The following GREM2 variants were observed in gnomAD, a reference collection of about 807,000 sequenced individuals.
GREM2 encodes the protein gremlin 2, DAN family BMP antagonist, also known as gremlin-2.
In GREM2, 11 loss-of-function variants were observed where a neutral mutation model predicts 14.2. The ratio of observed to expected loss-of-function variants is 0.78; its 90% CI spans 0.49 to 1.28. The LOEUF is 1.28. Among genes scored for constraint, GREM2 ranks in the 50% most tolerant of loss-of-function variants. The pLI is 0.00. For missense variants in GREM2, 210 were observed against 218.5 expected (o/e 0.96, Z 0.24); for synonymous variants, 98 against 97.6 (o/e 1.00, Z -0.02).
chr1:240,605,734 G>A (rs1680012433), intron 1 of GREM2, among the ~76,000 whole-genome samples: 1 of 151,876 alleles, frequency 6.6e-6, no homozygotes, highest in Admixed American at 6.6e-5. Context: ...AGCCCAGAAA[G>A]TCAGCGTGCA....
chr1:240,546,903 T>C (rs1410354056), intron 1 of GREM2, among the ~76,000 whole-genome samples: 1 of 152,052 alleles, frequency 6.6e-6, no homozygotes, highest in Non-Finnish European at 1.5e-5. Flanking sequence ...CTTACATGTA[T>C]AAAAATACAT....
At chr1:240,546,819 T>C (rs1678733716) in intron 1 of GREM2, among the ~76,000 whole-genome samples, 1 of 152,168 alleles carries the variant, frequency 6.6e-6, no homozygotes, top group Non-Finnish European at 1.5e-5. Context: ...TGCTAGCATC[T>C]TACATGTCAG....
At chr1:240,603,002 G>A (rs1679958373) in intron 1 of GREM2, among the ~76,000 whole-genome samples, 1 of 152,088 alleles carries the variant, frequency 6.6e-6, no homozygotes, top group Non-Finnish European at 1.5e-5. Context: ...GAACCCGGGA[G>A]GTGGAGCTTG....
chr1:240,499,932 GC>G (rs2103276161), intron 1 of GREM2, among the ~76,000 whole-genome samples: 1 of 152,302 alleles, frequency 6.6e-6, no homozygotes, highest in Admixed American at 6.5e-5. Flanking sequence ...GAAACACTTT[GC>G]TAAGTCCTGC....
At chr1:240,534,773 A>G (rs1397507777) in intron 1 of GREM2, among the ~76,000 whole-genome samples, 1 of 152,082 alleles carries the variant, frequency 6.6e-6, no homozygotes. Context: ...GAGACTAGTT[A>G]GGAGGCTACT....
At chr1:240,569,403 A>C (rs1182236985) in intron 1 of GREM2, among the ~76,000 whole-genome samples, 2 of 152,240 alleles carry the variant, frequency 1.3e-5, no homozygotes, top group African/African-American at 2.4e-5. Flanking sequence ...ATTTTGAAAA[A>C]GAATAACAAA....
Position 240,533,172 on chromosome 1 carries a change from G to A in GREM2, c.-1-39696C>T, listed in dbSNP as rs369609235. 9.4e-4 allele frequency among the ~76,000 whole-genome samples: 143 copies of A among 152,312 alleles called. 1 individual carries two copies. The highest frequency in any genetic ancestry group is 3.4e-3 in the African/African-American group (142 of 41,568). ...AGGTGTGAAGAAGGGGGATCTGGGAGTAGAGACTGGGAAAATGAAAATCAC... is the reference window on the plus strand; with the variant it reads ...AGGTGTGAAGAAGGGGGATCTGGGAATAGAGACTGGGAAAATGAAAATCAC... On this transcript the variant is annotated intron_variant, in intron 1 of 1. Transcript: ENST00000318160.
rs1398083301 is a variant in GREM2 at position 240,603,038 on chromosome 1, A to G, written c.-2+8846T>C. 2.0e-5 allele frequency among the ~76,000 whole-genome samples: 3 copies of G among 151,920 alleles called. No individual in the cohort carries two copies. In the South Asian group the frequency reaches 6.2e-4, roughly 31 times the overall value. On this transcript the variant is annotated intron_variant, in intron 1 of 1. Coordinates refer to ENST00000318160, the MANE Select transcript of GREM2 (RefSeq NM_022469.4). ...CAGTGAGCTGAGATCGCACCATTGC[A>G]CTCCAGCCTGGGTGACAGAGCTGCG...
intron 1 of GREM2, among the ~76,000 whole-genome samples, chr1:240,571,199 C>G (rs1279267648): frequency 1.3e-5 from 2 of 152,108 alleles, no homozygotes; most frequent in African/African-American, 4.8e-5. Context: ...AAAGAACATT[C>G]CCTACCACAG....
At chr1:240,522,804 T>C (rs188946861) in intron 1 of GREM2, among the ~76,000 whole-genome samples, 31 of 152,270 alleles carry the variant, frequency 2.0e-4, no homozygotes, top group African/African-American at 7.0e-4. Flanking sequence ...AAACAACCAA[T>C]GTAGATGTCC....
chr1:240,575,056 A>G (rs1679334529), intron 1 of GREM2, among the ~76,000 whole-genome samples: 1 of 152,066 alleles, frequency 6.6e-6, no homozygotes. Context: ...GCAGTGAGCC[A>G]AGATCGCACC....
chr1:240,507,545 G>C (rs958519438), intron 1 of GREM2, among the ~76,000 whole-genome samples: 13 of 151,968 alleles, frequency 8.6e-5, no homozygotes, highest in Admixed American at 4.6e-4. Context: ...GTTGGCCAAG[G>C]TGGTCTCAAA....
chr1:240,568,346 G>A (rs1474191621), intron 1 of GREM2, among the ~76,000 whole-genome samples: 2 of 152,056 alleles, frequency 1.3e-5, no homozygotes, highest in Middle Eastern at 3.4e-3. Flanking sequence ...ATAGCAATAT[G>A]CCAACAAAGG....
chr1:240,502,063 G>A (rs918866501), intron 1 of GREM2, among the ~76,000 whole-genome samples: 1 of 151,786 alleles, frequency 6.6e-6, no homozygotes. Flanking sequence ...CCCCCTCTTC[G>A]ACCTTCCTAG....
At chr1:240,502,825 T>C (rs1272929817) in intron 1 of GREM2, among the ~76,000 whole-genome samples, 2 of 152,212 alleles carry the variant, frequency 1.3e-5, no homozygotes, top group Non-Finnish European at 2.9e-5. Flanking sequence ...AAGTTCTTCA[T>C]AGACCTTTCT....
intron 1 of GREM2, among the ~76,000 whole-genome samples, chr1:240,557,200 T>G (rs1002569710): frequency 2.0e-5 from 3 of 149,834 alleles, no homozygotes; most frequent in Non-Finnish European, 4.4e-5. Flanking sequence ...AATATAAAAA[T>G]TAAGATAAAA....
chr1:240,525,321 A>C (rs1678197002), intron 1 of GREM2, among the ~76,000 whole-genome samples: 1 of 152,096 alleles, frequency 6.6e-6, no homozygotes, highest in Admixed American at 6.5e-5. Flanking sequence ...GCAGGCCCAA[A>C]GGATGGATCT....
intron 1 of GREM2, among the ~76,000 whole-genome samples, chr1:240,593,548 C>A (rs140960597): frequency 5.9e-5 from 9 of 152,146 alleles, no homozygotes; most frequent in Non-Finnish European, 1.3e-4. Context: ...TAAATGAGAT[C>A]GTGAACAAAA....
At position 240,547,538 on chromosome 1, in the gene GREM2, T is replaced by C. The variant is rs1001636557; in HGVS notation, c.-1-54062A>G. 3.9e-3 allele frequency among the ~76,000 whole-genome samples: 504 copies of C among 128,380 alleles called. 9 individuals carry two copies. Among genetic ancestry groups the C allele is most frequent in the African/African-American group, 0.018 (477 of 26,968 alleles). 84.2% of individuals were successfully genotyped at this position (128,380 alleles called of 152,430 possible). On this transcript the variant is annotated intron_variant, in intron 1 of 1. Transcript: ENST00000318160. ...AAATATATATATATATATATATAGA[T>C]AGATAGATAGATAGATAGACAGATA...
Sources: allele counts gnomAD v4.1 joint callset (sites outside exome capture counted in the v4.1 genomes callset), GRCh38; gene constraint gnomAD v4.1.1; transcripts MANE v1.5; gene names NCBI Gene and HGNC (gene_info 2026-07-23, HGNC 2026-07-21).